The following EHMT1 variants were observed in gnomAD, a reference collection of about 807,000 sequenced individuals.
EHMT1 encodes euchromatic histone lysine methyltransferase 1, also known as histone-lysine N-methyltransferase EHMT1.
A neutral mutation model predicts 147.2 loss-of-function variants in EHMT1; 15 were observed. The ratio of observed to expected loss-of-function variants is 0.10; its 90% CI spans 0.07 to 0.16. The LOEUF (loss-of-function observed/expected upper bound fraction) is 0.16. EHMT1 is among the 10% of genes least tolerant of loss of function. The probability of loss-of-function intolerance (pLI) is 1.00; values close to 1 mark genes in which losing one functional copy is unlikely to be tolerated. For synonymous variants in EHMT1, 795 were observed against 709.6 expected (o/e 1.12, Z -1.91); for missense variants, 1,587 against 1,772.4 (o/e 0.90, Z 1.88).
chr9:137,640,196 A>G (rs1640925710), intron 1 of EHMT1, among the ~76,000 whole-genome samples: 1 of 152,144 alleles, frequency 6.6e-6, no homozygotes, highest in Admixed American at 6.5e-5. Context: ...CGGCCTCCCA[A>G]AGTGCTGGGA....
At chr9:137,708,498 C>T (rs948600577) in intron 1 of EHMT1, among the ~76,000 whole-genome samples, 1 of 152,132 alleles carries the variant, frequency 6.6e-6, no homozygotes, top group South Asian at 2.1e-4. Context: ...GTCAGCTCAC[C>T]TTGTTAGGAA....
intron 17 of EHMT1, chr9:137,800,641 C>T (rs985615798): frequency 3.5e-6 from 2 of 570,280 alleles, no homozygotes; most frequent in South Asian, 2.0e-5. Context: ...GCATGTCGGG[C>T]AGGGTTGTTG....
intron 10 of EHMT1, among the ~76,000 whole-genome samples, chr9:137,768,513 C>T (rs1308349021): frequency 7.0e-6 from 1 of 143,648 alleles, no homozygotes; most frequent in Non-Finnish European, 1.5e-5. Context: ...GCCACCACGC[C>T]CGGCTAATTT....
intron 17 of EHMT1, chr9:137,800,622 C>A: frequency 1.8e-6 from 1 of 541,866 alleles, no homozygotes; most frequent in Non-Finnish European, 3.3e-6. Flanking sequence ...GCAAGGCCGA[C>A]AGCACAGGGC....
chr9:137,662,811 TTTG>T (rs1939228770), intron 1 of EHMT1, among the ~76,000 whole-genome samples: 1 of 128,584 alleles, frequency 7.8e-6, no homozygotes, highest in African/African-American at 3.0e-5. Context: ...TTTATTTATT[TTTG>T]ACAGAGTCTT....
intron 1 of EHMT1, among the ~76,000 whole-genome samples, chr9:137,684,866 T>G (rs780403065): frequency 2.0e-5 from 3 of 152,200 alleles, no homozygotes; most frequent in Non-Finnish European, 4.4e-5. Context: ...TTAAAATATA[T>G]ATGTGGTATT....
At chr9:137,804,869 G>A (rs992330840) in intron 18 of EHMT1, among the ~76,000 whole-genome samples, 1 of 152,136 alleles carries the variant, frequency 6.6e-6, no homozygotes, top group East Asian at 1.9e-4. Context: ...ATTGCCAAAA[G>A]CCAGTTGTCT....
chr9:137,792,431 G>C (rs933025325), intron 16 of EHMT1, among the ~76,000 whole-genome samples: 1 of 152,212 alleles, frequency 6.6e-6, no homozygotes, highest in South Asian at 2.1e-4. Flanking sequence ...ACAGCTGGGC[G>C]TGGTGGCTCA....
intron 4 of EHMT1, among the ~76,000 whole-genome samples, chr9:137,737,768 T>C (rs1029166671): frequency 6.6e-6 from 1 of 152,188 alleles, no homozygotes; most frequent in African/African-American, 2.4e-5. Flanking sequence ...GAAAAGACAC[T>C]GTTAACGGAA....
intron 17 of EHMT1, among the ~76,000 whole-genome samples, chr9:137,800,197 A>G (rs915529516): frequency 1.3e-5 from 2 of 152,176 alleles, no homozygotes; most frequent in African/African-American, 4.8e-5. Flanking sequence ...AATTGGCCAT[A>G]TGACCCTCAT....
At chr9:137,803,031 G>C in intron 18 of EHMT1, 1 of 1,231,180 alleles carries the variant, frequency 8.1e-7, no homozygotes, top group African/African-American at 1.6e-5. Context: ...CTCACCCACC[G>C]CCCCCGGAGA....
rs1019672205 is a variant in EHMT1 at position 137,775,484 on chromosome 9, C to T, written c.1791+232C>T. Among the ~76,000 whole-genome samples, 3 of 151,850 alleles carry T rather than the reference C, an allele frequency of 2.0e-5. No individual in the cohort carries two copies. The highest frequency in any genetic ancestry group is 2.1e-4 in the South Asian group (1 of 4,782). ...CATTTCCCTCCTACCGCCTGGAAAC[C>T]GCTTTTGGAGATGACTAGGACGGTG... On this transcript the variant is annotated intron_variant, in intron 11 of 26. Coordinates refer to ENST00000460843, the MANE Select transcript of EHMT1 (RefSeq NM_024757.5). The surrounding 1 kb of genome is among the most constrained non-coding windows in gnomAD (Gnocchi z 6.1).
At chr9:137,751,047 A>G (rs1948924835) in intron 6 of EHMT1, among the ~76,000 whole-genome samples, 1 of 152,214 alleles carries the variant, frequency 6.6e-6, no homozygotes, top group Admixed American at 6.5e-5. Context: ...AAACCACTGA[A>G]CCGTACACTT....
intron 10 of EHMT1, among the ~76,000 whole-genome samples, chr9:137,768,347 G>GTTTTTTTTT (rs768762232): frequency 2.2e-5 from 2 of 92,512 alleles, no homozygotes; most frequent in African/African-American, 4.1e-5. Context: ...TTTTCTGTGT[G>GTTTTTTTTT]TTTTTTTTTT....
At chr9:137,621,462 C>T (rs1010953385) in intron 1 of EHMT1, among the ~76,000 whole-genome samples, 11 of 152,196 alleles carry the variant, frequency 7.2e-5, no homozygotes, top group South Asian at 6.2e-4. Flanking sequence ...TTTAGGAAGC[C>T]GAGGTGGGCG....
At chr9:137,781,666 A>G (rs146368978) in intron 14 of EHMT1, among the ~76,000 whole-genome samples, 1 of 152,346 alleles carries the variant, frequency 6.6e-6, no homozygotes, top group East Asian at 1.9e-4. Context: ...CTGAGCTCAT[A>G]GCTTTAGGCT....
At chr9:137,726,144 A>G (rs1946606683) in intron 3 of EHMT1, among the ~76,000 whole-genome samples, 1 of 152,058 alleles carries the variant, frequency 6.6e-6, no homozygotes, top group Non-Finnish European at 1.5e-5. Flanking sequence ...TATCAAACTT[A>G]ACCATTTTTA....
chr9:137,679,138 A>G (rs1169720384), intron 1 of EHMT1, among the ~76,000 whole-genome samples: 4 of 151,976 alleles, frequency 2.6e-5, no homozygotes, highest in African/African-American at 9.7e-5. Flanking sequence ...TTTAATAGAG[A>G]CGGGGTTTCA....
At chr9:137,718,941 A>T (rs1424951589) in intron 3 of EHMT1, among the ~76,000 whole-genome samples, 1 of 151,822 alleles carries the variant, frequency 6.6e-6, no homozygotes, top group Non-Finnish European at 1.5e-5. Flanking sequence ...TTTTTAGTAG[A>T]GATGAGGTTT....
Sources: gnomAD v4.1 joint callset for allele counts (sites outside exome capture counted in the v4.1 genomes callset) on GRCh38, gnomAD v4.1.1 for gene constraint, Gnocchi (gnomAD v3.1) non-coding constraint, MANE v1.5 for transcripts, NCBI Gene and HGNC (gene_info 2026-07-23, HGNC 2026-07-21) for gene names.